BEAN1: variants seen among roughly 807,000 people sequenced by gnomAD.
The protein encoded by BEAN1 is protein BEAN1.
Under a neutral mutation model 17.7 loss-of-function variants are expected in BEAN1, and 17 were observed. The observed-to-expected ratio is 0.96, with a 90% CI of 0.66 to 1.44. BEAN1 has a LOEUF of 1.44. Ranked by LOEUF, BEAN1 falls within the 40% of genes most tolerant of loss-of-function variation. BEAN1 has a pLI of 0.00. For synonymous variants in BEAN1, 142 were observed against 151.8 expected (o/e 0.94, Z 0.47); for missense variants, 359 against 374.1 (o/e 0.96, Z 0.33).
In BEAN1 at chr16:66,480,531, A is replaced by G. The variant is rs576917906; in HGVS notation, c.441-55A>G. ...GCAGATAGACCCCCAGGCCTTTGGGAGAGACCCAGCCCTAAGGCCTAGGTG... is the reference window on the plus strand; with the variant it reads ...GCAGATAGACCCCCAGGCCTTTGGGGGAGACCCAGCCCTAAGGCCTAGGTG... On this transcript the variant is annotated intron_variant, in intron 4 of 4. Transcript: ENST00000536005. 79 of 1,368,474 alleles carry G rather than the reference A, an allele frequency of 5.8e-5. No homozygotes were observed. In the South Asian group the frequency reaches 9.7e-4, roughly 17 times the overall value. The allele number at this position is 1,368,474 out of a possible 1,614,324, so 84.8% of individuals were successfully genotyped here.
chr16:66,456,909 T>C (rs915255753), intron 2 of BEAN1, among the ~76,000 whole-genome samples: 3 of 152,240 alleles, frequency 2.0e-5, no homozygotes, highest in African/African-American at 7.2e-5. Context: ...GCTTTCATCT[T>C]ACATTTATAG....
At position 66,480,881 on chromosome 16, in the gene BEAN1, A is replaced by G; in HGVS notation, c.736A>G (p.Thr246Ala). The G allele has an allele frequency of 1.4e-6, 2 of 1,466,152 alleles. No homozygotes were observed. 90.8% of individuals were successfully genotyped at this position (1,466,152 alleles called of 1,614,324 possible). The stretch of plus-strand genomic sequence containing the variant: ...GCCAAGGGGCTCCCAGGGCTCACCC[A>G]CCCCAACCCGGGCCCCAGCCTCTGG... ...PGPRGSQGSPTPTRAPASGPE... is the reference protein window; with the variant it reads ...PGPRGSQGSPAPTRAPASGPE... The change falls in exon 5 of 5, where the codon ACC becomes GCC. Residue 246 changes from threonine (T) to alanine (A), a missense_variant. By Grantham distance (58) the Thr-to-Ala change is moderately conservative. Coordinates refer to ENST00000536005, the MANE Select transcript of BEAN1 (RefSeq NM_001178020.3).
At chr16:66,455,115 A>C (rs1465646492) in intron 2 of BEAN1, among the ~76,000 whole-genome samples, 2 of 152,152 alleles carry the variant, frequency 1.3e-5, no homozygotes, top group East Asian at 3.8e-4. Context: ...CTTAATCCTC[A>C]CAGAAACACT....
downstream of BEAN1, chr16:66,484,391 G>C: frequency 5.6e-6 from 2 of 356,332 alleles, no homozygotes; most frequent in Non-Finnish European, 5.5e-6. The surrounding 1 kb of genome is among the most constrained non-coding windows in gnomAD (Gnocchi z 4.2). Context: ...GGACTGTCAC[G>C]CTCTTGGCTT....
intron 2 of BEAN1, among the ~76,000 whole-genome samples, chr16:66,451,616 G>T (rs1472339029): frequency 2.6e-5 from 4 of 152,190 alleles, no homozygotes; most frequent in Non-Finnish European, 5.9e-5. Context: ...ATATTTGATT[G>T]TCATGTATTG....
At chr16:66,442,191 C>G (rs1487165388) in intron 2 of BEAN1, among the ~76,000 whole-genome samples, 1 of 152,214 alleles carries the variant, frequency 6.6e-6, no homozygotes, top group Non-Finnish European at 1.5e-5. Context: ...GTAGGAGAAC[C>G]AGCCTGGCTC....
At chr16:66,452,133 T>C (rs555571582) in intron 2 of BEAN1, among the ~76,000 whole-genome samples, 2 of 152,240 alleles carry the variant, frequency 1.3e-5, no homozygotes, top group South Asian at 4.1e-4. Flanking sequence ...TTTAGTGTGA[T>C]GTTGGCAGTC....
intron 2 of BEAN1, among the ~76,000 whole-genome samples, chr16:66,448,601 C>T (rs1962545531): frequency 6.6e-6 from 1 of 151,960 alleles, no homozygotes; most frequent in Non-Finnish European, 1.5e-5. Flanking sequence ...GCAGGCAGAT[C>T]ATCTGAGGTC....
chr16:66,478,317 G>A (rs1963843126), intron 4 of BEAN1, among the ~76,000 whole-genome samples: 1 of 152,154 alleles, frequency 6.6e-6, no homozygotes, highest in African/African-American at 2.4e-5. Context: ...AATAATACCT[G>A]CCCCAGCCGG....
intron 2 of BEAN1, among the ~76,000 whole-genome samples, chr16:66,447,924 G>A (rs1267030439): frequency 1.3e-5 from 2 of 152,216 alleles, no homozygotes; most frequent in South Asian, 2.1e-4. Flanking sequence ...CATAAATGTG[G>A]AAAATGCCCC....
chr16:66,462,234 T>C (rs974922458), intron 2 of BEAN1, among the ~76,000 whole-genome samples: 4 of 152,234 alleles, frequency 2.6e-5, no homozygotes, highest in Admixed American at 6.5e-5. Context: ...GAGCCTCACC[T>C]TGCCACCTTT....
chr16:66,448,686 G>C (rs1157088242), intron 2 of BEAN1, among the ~76,000 whole-genome samples: 1 of 152,208 alleles, frequency 6.6e-6, no homozygotes, highest in Non-Finnish European at 1.5e-5. Context: ...AGCTGGGTGT[G>C]GTGGCGGATG....
intron 2 of BEAN1, 66 bp from the exon 3 acceptor site, chr16:66,469,536 G>T (rs1021203023): frequency 2.1e-6 from 3 of 1,448,408 alleles, no homozygotes; most frequent in African/African-American, 1.4e-5. Context: ...AGGGCAGCAC[G>T]GGCAGAGAAG....
chr16:66,491,154 C>A (rs1407149853), intron 4 of BEAN1, among the ~76,000 whole-genome samples: 2 of 152,234 alleles, frequency 1.3e-5, no homozygotes, highest in Admixed American at 1.3e-4. Context: ...TCGATGTCTG[C>A]AGGCAAGCAG....
At chr16:66,436,521 G>T (rs12599789) in intron 1 of BEAN1, among the ~76,000 whole-genome samples, 1 of 149,102 alleles carries the variant, frequency 6.7e-6, no homozygotes, top group East Asian at 2.0e-4. Flanking sequence ...CTTATGATCT[G>T]CCCGCCTCGG....
At chr16:66,461,062 A>AT (rs1476166659) in intron 2 of BEAN1, among the ~76,000 whole-genome samples, 3 of 151,786 alleles carry the variant, frequency 2.0e-5, no homozygotes, top group Non-Finnish European at 4.4e-5. Flanking sequence ...AGAAGAGCCT[A>AT]TTTTTTTGAG....
chr16:66,493,130 G>A (rs754537210), exon 5 of BEAN1: 1 of 702,976 alleles, frequency 1.4e-6, no homozygotes, highest in Non-Finnish European at 2.6e-6. Flanking sequence ...GATCTTCCTG[G>A]TGAGGGTCTC....
At chr16:66,456,707 G>A (rs61302687) in intron 2 of BEAN1, among the ~76,000 whole-genome samples, 4,174 of 152,334 alleles carry the variant, frequency 0.027, 88 homozygotes, top group African/African-American at 0.05. Context: ...AAAGTAATTT[G>A]TGAAATTGTT....
chr16:66,432,057 G>GA (rs956396604), intron 1 of BEAN1, among the ~76,000 whole-genome samples: 1 of 152,002 alleles, frequency 6.6e-6, no homozygotes, highest in Non-Finnish European at 1.5e-5. Context: ...AACTTTTTCT[G>GA]AAAAAACAAA....
Sources: gnomAD v4.1 joint callset for allele counts (sites outside exome capture counted in the v4.1 genomes callset) on GRCh38, gnomAD v4.1.1 for gene constraint, Gnocchi (gnomAD v3.1) non-coding constraint, MANE v1.5 for transcripts, NCBI Gene and HGNC (gene_info 2026-07-23, HGNC 2026-07-21) for gene names.